The following NPSR1 variants were observed in gnomAD, a reference collection of about 807,000 sequenced individuals.
NPSR1 encodes neuropeptide S receptor.
A neutral mutation model predicts 46.9 loss-of-function variants in NPSR1; 48 were observed. The ratio of observed to expected loss-of-function variants is 1.02; its 90% CI spans 0.81 to 1.30. The LOEUF is 1.30. Ranked by LOEUF, NPSR1 falls within the 50% of genes most tolerant of loss-of-function variation. The pLI is 0.00. For synonymous variants in NPSR1, 176 were observed against 168.1 expected (o/e 1.05, Z -0.36); for missense variants, 450 against 449.5 (o/e 1.00, Z -0.01).
intron 8 of NPSR1, among the ~76,000 whole-genome samples, chr7:34,858,510 G>A (rs547131799): frequency 1.3e-5 from 2 of 151,748 alleles, no homozygotes; most frequent in Non-Finnish European, 2.9e-5. Flanking sequence ...ATTTAGCAAT[G>A]CACACATAGG....
chr7:34,789,409 G>C (rs62462925), intron 3 of NPSR1, among the ~76,000 whole-genome samples: 18,805 of 151,942 alleles, frequency 0.12, 1,460 homozygotes, highest in Non-Finnish European at 0.17. Context: ...CTAGGAAAAA[G>C]AAGAAAACTC....
chr7:34,685,881 T>C (rs1792903852), intron 2 of NPSR1: 1 of 223,558 alleles, frequency 4.5e-6, no homozygotes. Flanking sequence ...GGAAAGTTTC[T>C]TCAATCTTTC....
At chr7:34,706,152 C>T (rs1794095457) in intron 2 of NPSR1, among the ~76,000 whole-genome samples, 1 of 151,178 alleles carries the variant, frequency 6.6e-6, no homozygotes. Flanking sequence ...GATAGGTTAT[C>T]CAATTTTGTC....
chr7:34,716,814 C>T (rs1412146901), intron 2 of NPSR1, among the ~76,000 whole-genome samples: 1 of 152,128 alleles, frequency 6.6e-6, no homozygotes, highest in Non-Finnish European at 1.5e-5. Context: ...AGCATCACAG[C>T]TTAAGGGTCC....
At chr7:34,694,996 C>T (rs1793446249) in intron 2 of NPSR1, among the ~76,000 whole-genome samples, 3 of 152,128 alleles carry the variant, frequency 2.0e-5, no homozygotes, top group African/African-American at 2.4e-5. Context: ...GTGTGAACCA[C>T]CGTGCCTAGC....
chr7:34,684,250 C>G (rs6975521), intron 1 of NPSR1, among the ~76,000 whole-genome samples: 26,852 of 152,054 alleles, frequency 0.18, 3,442 homozygotes, highest in African/African-American at 0.36. Context: ...GGACATATTT[C>G]TGACAGGGGT....
At chr7:34,742,024 T>A (rs887864302) in intron 2 of NPSR1, among the ~76,000 whole-genome samples, 4 of 152,270 alleles carry the variant, frequency 2.6e-5, no homozygotes, top group African/African-American at 9.6e-5. Flanking sequence ...TGCACCTTTT[T>A]TTAACTTGTC....
At chr7:34,802,377 A>C (rs1179289482) in intron 3 of NPSR1, among the ~76,000 whole-genome samples, 1 of 150,164 alleles carries the variant, frequency 6.7e-6, no homozygotes, top group Admixed American at 6.6e-5. Context: ...GATATAGATC[A>C]ATGGAACAGA....
intron 4 of NPSR1, among the ~76,000 whole-genome samples, chr7:34,823,117 G>T (rs964127589): frequency 1.3e-5 from 2 of 152,186 alleles, no homozygotes; most frequent in South Asian, 2.1e-4. Flanking sequence ...GAGACCAGGC[G>T]CTGTGGCCCA....
At chr7:34,659,819 C>A (rs574530836) in intron 1 of NPSR1, among the ~76,000 whole-genome samples, 8 of 152,222 alleles carry the variant, frequency 5.3e-5, no homozygotes, top group African/African-American at 1.9e-4. Flanking sequence ...GCCTGCAGAC[C>A]CAGAGAGTCT....
chr7:34,753,874 C>A (rs959413382), intron 2 of NPSR1, among the ~76,000 whole-genome samples: 1 of 151,984 alleles, frequency 6.6e-6, no homozygotes, highest in Non-Finnish European at 1.5e-5. Context: ...ATAAAAAATT[C>A]TAAATGAATT....
chr7:34,861,841 A>T (rs1791198497), intron 8 of NPSR1, among the ~76,000 whole-genome samples: 1 of 151,862 alleles, frequency 6.6e-6, no homozygotes. Flanking sequence ...TGGGAATGTG[A>T]TATCTCCACA....
intron 2 of NPSR1, among the ~76,000 whole-genome samples, chr7:34,763,826 A>C (rs1468365331): frequency 6.6e-6 from 1 of 152,180 alleles, no homozygotes. Flanking sequence ...CTCAGCAAAC[A>C]CCCTGACTAA....
intron 1 of NPSR1, among the ~76,000 whole-genome samples, chr7:34,680,126 A>T (rs1792547143): frequency 1.3e-5 from 2 of 152,168 alleles, no homozygotes; most frequent in African/African-American, 4.8e-5. Flanking sequence ...TCATATTATA[A>T]CCTCATCATT....
intron 2 of NPSR1, among the ~76,000 whole-genome samples, chr7:34,699,525 C>T (rs113462754): frequency 4.4e-4 from 67 of 152,240 alleles, no homozygotes; most frequent in African/African-American, 1.5e-3. Flanking sequence ...TTTATTTCCT[C>T]GCAGTCCTGT....
intron 2 of NPSR1, among the ~76,000 whole-genome samples, chr7:34,690,877 A>T (rs1793216302): frequency 6.6e-6 from 1 of 152,064 alleles, no homozygotes; most frequent in Admixed American, 6.5e-5. Flanking sequence ...AACTCAAAAA[A>T]CTCCTAGAAG....
At chr7:34,851,833 G>A (rs765196366), downstream of NPSR1, among the ~76,000 whole-genome samples, 7 of 152,144 alleles carry the variant, frequency 4.6e-5, no homozygotes, top group Non-Finnish European at 1.0e-4. Context: ...TAGTTGTGAT[G>A]CTGTCTCTCT....
At chr7:34,719,601 C>T (rs749438858) in intron 2 of NPSR1, 40 of 152,352 alleles carry the variant, frequency 2.6e-4, no homozygotes, top group Admixed American at 7.8e-4. Context: ...ATTTTTCATA[C>T]AGCTGGCACC....
chr7:34,843,035 C>T (rs1362721798), intron 6 of NPSR1, among the ~76,000 whole-genome samples: 1 of 152,196 alleles, frequency 6.6e-6, no homozygotes, highest in Non-Finnish European at 1.5e-5. Context: ...TGCACCCCGC[C>T]TTTGTCTTGG....
Sources: gnomAD v4.1 joint callset for allele counts (sites outside exome capture counted in the v4.1 genomes callset) on GRCh38, gnomAD v4.1.1 for gene constraint, MANE v1.5 for transcripts, NCBI Gene and HGNC (gene_info 2026-07-23, HGNC 2026-07-21) for gene names.